The following TAF4B variants were observed in gnomAD, a reference collection of about 807,000 sequenced individuals.
TAF4B encodes TATA-box binding protein associated factor 4b.
In TAF4B, 38 loss-of-function variants were observed where a neutral mutation model predicts 86.4. That is an observed-to-expected ratio of 0.44 (90% CI 0.34 to 0.58). The LOEUF is 0.58. Among genes scored for constraint, TAF4B ranks in the 20% least tolerant of loss-of-function variants. TAF4B has a pLI of 0.02. For synonymous variants in TAF4B, 388 were observed against 391.2 expected (o/e 0.99, Z 0.10); for missense variants, 988 against 1,027.6 (o/e 0.96, Z 0.53).
At chr18:26,263,859 G>A (rs774416844) in intron 1 of TAF4B, among the ~76,000 whole-genome samples, 39 of 152,082 alleles carry the variant, frequency 2.6e-4, no homozygotes, top group South Asian at 2.1e-4. Flanking sequence ...CTGGGACTAC[G>A]GGCTACAGGC....
chr18:26,350,678 G>A (rs186931843), intron 13 of TAF4B, among the ~76,000 whole-genome samples: 1 of 151,954 alleles, frequency 6.6e-6, no homozygotes, highest in Non-Finnish European at 1.5e-5. Flanking sequence ...CCTGTTTCTA[G>A]AAAAAGAAAA....
intron 1 of TAF4B, among the ~76,000 whole-genome samples, chr18:26,244,324 A>T (rs1374231048): frequency 6.6e-6 from 1 of 152,152 alleles, no homozygotes; most frequent in African/African-American, 2.4e-5. Flanking sequence ...TTGATCTCAG[A>T]CTGCTGTGCT....
intron 5 of TAF4B, among the ~76,000 whole-genome samples, chr18:26,279,458 A>AATGTCATT (rs1237421869): frequency 6.6e-6 from 1 of 152,026 alleles, no homozygotes; most frequent in African/African-American, 2.4e-5. Flanking sequence ...TCAAACTACC[A>AATGTCATT]ATGTCATTTT....
Position 26,315,133 on chromosome 18 carries a change from TC to T in TAF4B, c.1833-95del, listed in dbSNP as rs1568147856. 53 of 369,366 alleles carry T rather than the reference TC, an allele frequency of 1.4e-4. 1 individual carries two copies. Among genetic ancestry groups the T allele is most frequent in the Admixed American group, 3.4e-4 (6 of 17,506 alleles). 22.9% of individuals were successfully genotyped at this position (369,366 alleles called of 1,614,324 possible). On this transcript the variant is annotated intron_variant, in intron 9 of 14. Transcript: ENST00000269142. The stretch of plus-strand genomic sequence containing the variant: ...CTCTCTCTCTCTCTCTCTCTCTCTC[TC>T]TCTCTCTCTCTGTCTCTCTCTCTCT...
At chr18:26,343,702 A>G (rs2144710931) in intron 13 of TAF4B, among the ~76,000 whole-genome samples, 1 of 152,310 alleles carries the variant, frequency 6.6e-6, no homozygotes, top group South Asian at 2.1e-4. Flanking sequence ...GATGGAAAAT[A>G]CACTATGTGC....
Position 26,226,717 on chromosome 18 carries a change from C to A in TAF4B, c.-217C>A, listed in dbSNP as rs1033016682. The A allele has an allele frequency of 9.3e-5, 38 of 409,884 alleles. No homozygotes were observed. The Middle Eastern group carries it at 2.4e-3, about 26-fold the overall frequency. 25.4% of individuals were successfully genotyped at this position (409,884 alleles called of 1,614,324 possible). On this transcript the variant is annotated 5_prime_UTR_variant, in exon 1 of 15. Coordinates refer to ENST00000269142, the MANE Select transcript of TAF4B (RefSeq NM_005640.3). The stretch of plus-strand genomic sequence containing the variant: ...GGTCGGGCGGGTGTCGCTCCGGGGG[C>A]AGCCCAGGCTCGCGCGGACGAGAGG...
rs530135962 is a variant in TAF4B, at chr18:26,371,248, T to G, written c.2421+13454T>G. 3.9e-5 allele frequency among the ~76,000 whole-genome samples: 6 copies of G among 152,340 alleles called. No homozygotes were observed. The East Asian group carries it at 1.2e-3, about 29-fold the overall frequency. On this transcript the variant is annotated intron_variant, in intron 14 of 14. Transcript: ENST00000269142. The stretch of plus-strand genomic sequence containing the variant: ...AAGTGTTAGATGACAATAAGTCTGT[T>G]TAAACATTTAATAACTCAGCTATAA...
At chr18:26,307,133 T>A (rs1201372185) in intron 9 of TAF4B, among the ~76,000 whole-genome samples, 1 of 152,316 alleles carries the variant, frequency 6.6e-6, no homozygotes, top group East Asian at 1.9e-4. Flanking sequence ...AGACCCTCGA[T>A]GTTGGCTCTT....
intron 12 of TAF4B, among the ~76,000 whole-genome samples, chr18:26,328,016 A>G (rs1054840794): frequency 4.6e-5 from 7 of 152,216 alleles, no homozygotes; most frequent in African/African-American, 7.2e-5. Flanking sequence ...GCTTTGGGCC[A>G]TTGTGAGAAA....
chr18:26,352,320 G>A (rs1248599789), intron 13 of TAF4B, among the ~76,000 whole-genome samples: 1 of 151,778 alleles, frequency 6.6e-6, no homozygotes, highest in East Asian at 1.9e-4. Context: ...CAAGATAGGA[G>A]AAAATGCTTA....
chr18:26,296,649 A>G (rs2056666348), intron 9 of TAF4B, among the ~76,000 whole-genome samples: 1 of 152,294 alleles, frequency 6.6e-6, no homozygotes, highest in East Asian at 1.9e-4. Context: ...AAACCCATGT[A>G]CCAAGTATCA....
At chr18:26,262,713 T>C (rs1355315205) in intron 1 of TAF4B, among the ~76,000 whole-genome samples, 1 of 152,164 alleles carries the variant, frequency 6.6e-6, no homozygotes, top group African/African-American at 2.4e-5. Context: ...ACTCCTGGCC[T>C]CAAGTGATCT....
At chr18:26,357,646 A>C in intron 13 of TAF4B, 44 bp from the exon 14 acceptor site, 1 of 1,364,374 alleles carries the variant, frequency 7.3e-7, no homozygotes. Flanking sequence ...CCCTCTGAGC[A>C]TGAATGTGTA....
chr18:26,340,627 T>G (rs2057128592), intron 13 of TAF4B, among the ~76,000 whole-genome samples: 1 of 151,820 alleles, frequency 6.6e-6, no homozygotes, highest in Non-Finnish European at 1.5e-5. Flanking sequence ...ACAACCAGAG[T>G]TTATAATACT....
chr18:26,310,455 T>C (rs2056842020), intron 9 of TAF4B, among the ~76,000 whole-genome samples: 1 of 152,138 alleles, frequency 6.6e-6, no homozygotes, highest in East Asian at 1.9e-4. Context: ...GAAATTCCCA[T>C]GAGAAAAACA....
At chr18:26,285,813 A>C in intron 6 of TAF4B, 69 bp from the exon 7 acceptor site, 1 of 1,535,756 alleles carries the variant, frequency 6.5e-7, no homozygotes, top group Non-Finnish European at 8.8e-7. Flanking sequence ...AAGGTATGAA[A>C]TACCACATTT....
At chr18:26,387,062 T>C (rs1027556653) in intron 14 of TAF4B, among the ~76,000 whole-genome samples, 2 of 152,140 alleles carry the variant, frequency 1.3e-5, no homozygotes, top group African/African-American at 4.8e-5. Context: ...GTTAAATGTA[T>C]TGTAGTTGTT....
At chr18:26,281,038 G>A (rs1017033528) in intron 5 of TAF4B, among the ~76,000 whole-genome samples, 3 of 152,156 alleles carry the variant, frequency 2.0e-5, no homozygotes, top group Non-Finnish European at 2.9e-5. Flanking sequence ...ATTGGTGCAG[G>A]AGTAGAAAAC....
rs924723212 is a variant in TAF4B at position 26,362,546 on chromosome 18, A to G, written c.2421+4752A>G. 2.4e-4 allele frequency among the ~76,000 whole-genome samples: 36 copies of G among 152,236 alleles called. 1 individual carries two copies. The highest frequency in any genetic ancestry group is 5.9e-5 in the Non-Finnish European group (4 of 68,040). ...ATTTATTATATGTTTGAATCTGAGA[A>G]AATCCATTGGTTAGGGAGAAAACCG... is the stretch of plus-strand genomic sequence containing the variant. On this transcript the variant is annotated intron_variant, in intron 14 of 14. Coordinates refer to ENST00000269142, the MANE Select transcript of TAF4B (RefSeq NM_005640.3).
Sources: allele counts gnomAD v4.1 joint callset (sites outside exome capture counted in the v4.1 genomes callset), GRCh38; gene constraint gnomAD v4.1.1; transcripts MANE v1.5; gene names NCBI Gene and HGNC (gene_info 2026-07-23, HGNC 2026-07-21).